MEGF9: variants seen among roughly 807,000 people sequenced by gnomAD.
MEGF9 encodes the protein multiple EGF like domains 9, also known as multiple epidermal growth factor-like domains protein 9.
Under a neutral mutation model 46.8 loss-of-function variants are expected in MEGF9, and 6 were observed. The observed-to-expected ratio is 0.13, with a 90% CI of 0.07 to 0.25. MEGF9 has a LOEUF of 0.25. Ranked by LOEUF, MEGF9 falls within the 10% of genes least tolerant of loss-of-function variation. MEGF9 has a pLI of 1.00. For synonymous variants in MEGF9, 302 were observed against 330.7 expected (o/e 0.91, Z 0.94); for missense variants, 683 against 792.4 (o/e 0.86, Z 1.66).
intron 1 of MEGF9, among the ~76,000 whole-genome samples, chr9:120,670,079 C>T (rs2043741878): frequency 1.3e-5 from 2 of 152,128 alleles, no homozygotes. Flanking sequence ...ATCATGTACT[C>T]AAATACTTTA....
At chr9:120,701,872 G>A (rs1021071798) in intron 1 of MEGF9, among the ~76,000 whole-genome samples, 5 of 152,006 alleles carry the variant, frequency 3.3e-5, no homozygotes, top group African/African-American at 7.2e-5. Context: ...CTGAAACCCC[G>A]TCTCTACTAA....
chr9:120,688,374 C>T (rs910361044), intron 1 of MEGF9, among the ~76,000 whole-genome samples: 1 of 152,100 alleles, frequency 6.6e-6, no homozygotes, highest in African/African-American at 2.4e-5. Context: ...GTGCTAACAG[C>T]AGGGCTGTAT....
chr9:120,677,097 T>TTG (rs971711084), intron 1 of MEGF9, among the ~76,000 whole-genome samples: 19 of 140,244 alleles, frequency 1.4e-4, no homozygotes, highest in African/African-American at 4.8e-4. Context: ...TTAAATGCAG[T>TTG]TGTGTTTTCT....
intron 2 of MEGF9, among the ~76,000 whole-genome samples, chr9:120,625,007 C>T (rs1461976018): frequency 1.3e-5 from 2 of 152,170 alleles, no homozygotes; most frequent in Admixed American, 1.3e-4. Flanking sequence ...GGCATGGTGG[C>T]ACATGCCTAT....
Position 120,659,517 on chromosome 9 carries a change from G to A in MEGF9, c.660C>T (p.Thr220=), listed in dbSNP as rs1055831828. ...GSLNVNRCNQ[T]TGQCECRPGY... ...CTGGCCGACACTCACACTGCCCTGT[G>A]GTCTGGTTGCAGCGATTCACATTCA... is the stretch of plus-strand genomic sequence containing the variant. The change falls in exon 2 of 6, where the codon ACC becomes ACT. Residue 220 remains threonine, a synonymous_variant. Coordinates refer to ENST00000373930, the MANE Select transcript of MEGF9 (RefSeq NM_001080497.3). 1 of 1,613,622 alleles carries A rather than the reference G, an allele frequency of 6.2e-7. No homozygotes were observed. The highest frequency in any genetic ancestry group is 8.5e-7 in the Non-Finnish European group (1 of 1,179,774).
intron 2 of MEGF9, among the ~76,000 whole-genome samples, chr9:120,640,952 T>C (rs935082457): frequency 7.6e-5 from 11 of 145,492 alleles, no homozygotes; most frequent in African/African-American, 1.5e-4. Flanking sequence ...AGTGAGAACA[T>C]GTGGTATTTG....
At chr9:120,712,752 G>A (rs368939048) in intron 1 of MEGF9, among the ~76,000 whole-genome samples, 5 of 152,194 alleles carry the variant, frequency 3.3e-5, no homozygotes, top group Admixed American at 6.5e-5. Flanking sequence ...GACCCAGCTA[G>A]ACAAAGGATT....
rs1207004011 is a variant in MEGF9 at position 120,604,116 on chromosome 9, C to T, written c.*1074G>A. 1 of 152,568 alleles carries T rather than the reference C, an allele frequency of 6.6e-6. No homozygotes were observed. Among genetic ancestry groups the T allele is most frequent in the Non-Finnish European group, 1.5e-5 (1 of 68,034 alleles). 9.5% of individuals were successfully genotyped at this position (152,568 alleles called of 1,614,324 possible). A position where few individuals can be genotyped will look rare whatever the true frequency, so the allele number is the denominator to read the frequency against. On this transcript the variant is annotated 3_prime_UTR_variant, in exon 6 of 6. Coordinates refer to ENST00000373930, the MANE Select transcript of MEGF9 (RefSeq NM_001080497.3). ...TGTTTTTGGAGAATGCATCCTATGT[C>T]CCAGCTTAACGATTACTGACTTCAA...
intron 1 of MEGF9, among the ~76,000 whole-genome samples, chr9:120,700,512 T>C (rs746972687): frequency 1.3e-5 from 2 of 152,178 alleles, no homozygotes; most frequent in Non-Finnish European, 2.9e-5. Context: ...AAACACACTG[T>C]AGGATTACAA....
chr9:120,668,282 G>A (rs183452943), intron 1 of MEGF9, among the ~76,000 whole-genome samples: 3 of 152,208 alleles, frequency 2.0e-5, no homozygotes, highest in African/African-American at 7.2e-5. Context: ...TTATGCCAAG[G>A]TATTGCCACA....
intron 1 of MEGF9, among the ~76,000 whole-genome samples, chr9:120,689,346 T>G (rs2043838197): frequency 6.6e-6 from 1 of 152,136 alleles, no homozygotes; most frequent in Non-Finnish European, 1.5e-5. Context: ...AAAAGTGCAT[T>G]GTGGCTGGGA....
chr9:120,709,149 A>G (rs2043941508), intron 1 of MEGF9, among the ~76,000 whole-genome samples: 1 of 152,168 alleles, frequency 6.6e-6, no homozygotes, highest in African/African-American at 2.4e-5. Flanking sequence ...GAAGAGGGCC[A>G]GGCACAGTGG....
chr9:120,616,837 G>A (rs1027460040), intron 3 of MEGF9, among the ~76,000 whole-genome samples: 8 of 151,968 alleles, frequency 5.3e-5, no homozygotes, highest in Non-Finnish European at 7.4e-5. Context: ...TTTGGCTAAC[G>A]ATTTAATATA....
intron 1 of MEGF9, among the ~76,000 whole-genome samples, chr9:120,692,941 A>G (rs1330145394): frequency 5.9e-5 from 9 of 152,228 alleles, no homozygotes; most frequent in Middle Eastern, 6.8e-3. Flanking sequence ...ACATACCACT[A>G]TGATAGAACT....
rs944357981 is a variant in MEGF9 at position 120,624,425 on chromosome 9, C to A, written c.804-1670G>T. On this transcript the variant is annotated intron_variant, in intron 2 of 5. Coordinates refer to ENST00000373930, the MANE Select transcript of MEGF9 (RefSeq NM_001080497.3). ...GTATTTTTTGTGGAGACAGGGTTTT[C>A]CCCTGTTGCCCAGGCTGGTCTCAAA... Among the ~76,000 whole-genome samples, 23 of 151,976 alleles carry A rather than the reference C, an allele frequency of 1.5e-4. 1 individual carries two copies. Among genetic ancestry groups the A allele is most frequent in the African/African-American group, 5.1e-4 (21 of 41,388 alleles).
chr9:120,655,943 G>C (rs1277278713), intron 2 of MEGF9, among the ~76,000 whole-genome samples: 1 of 152,132 alleles, frequency 6.6e-6, no homozygotes, highest in Non-Finnish European at 1.5e-5. Flanking sequence ...TGTTTAAAAT[G>C]CAGTATTTGG....
At chr9:120,700,991 C>T (rs1041206600) in intron 1 of MEGF9, among the ~76,000 whole-genome samples, 2 of 151,032 alleles carry the variant, frequency 1.3e-5, no homozygotes, top group African/African-American at 2.4e-5. Flanking sequence ...TGGTGGTGCA[C>T]GCCTGTAGTC....
chr9:120,627,329 T>C (rs2043529721), intron 2 of MEGF9, among the ~76,000 whole-genome samples: 1 of 152,248 alleles, frequency 6.6e-6, no homozygotes, highest in Non-Finnish European at 1.5e-5. Flanking sequence ...ATGTTTTTTG[T>C]TATCAAGAAA....
intron 2 of MEGF9, among the ~76,000 whole-genome samples, chr9:120,636,857 G>C (rs1448112313): frequency 6.6e-6 from 1 of 151,464 alleles, no homozygotes; most frequent in Admixed American, 6.6e-5. Context: ...CTGGGGGGTG[G>C]GGGGGCCCCT....
Sources: gnomAD v4.1 joint callset for allele counts (sites outside exome capture counted in the v4.1 genomes callset) on GRCh38, gnomAD v4.1.1 for gene constraint, MANE v1.5 for transcripts, NCBI Gene and HGNC (gene_info 2026-07-23, HGNC 2026-07-21) for gene names.